ITPR2: variants seen among roughly 807,000 people sequenced by gnomAD.
ITPR2 encodes inositol 1,4,5-trisphosphate-gated calcium channel ITPR2.
ITPR2 carries 207 observed loss-of-function variants against 317.1 expected under a neutral mutation model. The ratio of observed to expected loss-of-function variants is 0.65; its 90% CI spans 0.58 to 0.73. The LOEUF (loss-of-function observed/expected upper bound fraction) is 0.73, where lower values mean the gene tolerates loss of function less well. Among genes scored for constraint, ITPR2 ranks in the 30% least tolerant of loss-of-function variants. ITPR2 has a pLI of 0.00. For missense variants in ITPR2, 2,613 were observed against 3,284.0 expected (o/e 0.80, Z 4.99); for synonymous variants, 1,156 against 1,149.1 (o/e 1.01, Z -0.12).
At chr12:26,614,603 AG>A (rs1946336010) in intron 26 of ITPR2, among the ~76,000 whole-genome samples, 1 of 152,236 alleles carries the variant, frequency 6.6e-6, no homozygotes, top group Non-Finnish European at 1.5e-5. Flanking sequence ...AAACAATACA[AG>A]GGACTATTAT....
chr12:26,344,652 ACT>A (rs151016459), intron 55 of ITPR2, among the ~76,000 whole-genome samples: 9,693 of 151,808 alleles, frequency 0.064, 430 homozygotes, highest in Non-Finnish European at 0.094. Context: ...CTTTCCCTAC[ACT>A]CTCTTTTTTC....
chr12:26,408,706 G>A (rs1384378705), intron 52 of ITPR2, among the ~76,000 whole-genome samples: 1 of 152,044 alleles, frequency 6.6e-6, no homozygotes, highest in East Asian at 1.9e-4. Flanking sequence ...CTTTGTTGCT[G>A]GTTCACTAGC....
At chr12:26,646,572 C>T (rs1947118900) in intron 21 of ITPR2, among the ~76,000 whole-genome samples, 1 of 152,148 alleles carries the variant, frequency 6.6e-6, no homozygotes, top group Non-Finnish European at 1.5e-5. Flanking sequence ...TAGATAGATT[C>T]AAAGCACATC....
intron 9 of ITPR2, among the ~76,000 whole-genome samples, chr12:26,702,409 G>T (rs1392486863): frequency 1.5e-5 from 1 of 67,052 alleles, no homozygotes; most frequent in Non-Finnish European, 2.8e-5. Flanking sequence ...GGGCGGGGGT[G>T]GGGGGTTGGT....
At chr12:26,675,586 A>G (rs1336222312) in intron 13 of ITPR2, among the ~76,000 whole-genome samples, 1 of 152,154 alleles carries the variant, frequency 6.6e-6, no homozygotes, top group Non-Finnish European at 1.5e-5. Context: ...TGGGAGATAT[A>G]CCTAATGCTA....
intron 54 of ITPR2, among the ~76,000 whole-genome samples, chr12:26,389,201 A>C (rs1323077457): frequency 6.6e-6 from 1 of 152,084 alleles, no homozygotes; most frequent in African/African-American, 2.4e-5. Flanking sequence ...TTAAAAACCT[A>C]AGAGAAATGG....
chr12:26,426,897 T>C (rs920764585), intron 49 of ITPR2, among the ~76,000 whole-genome samples: 3 of 151,116 alleles, frequency 2.0e-5, no homozygotes, highest in Admixed American at 6.6e-5. Flanking sequence ...ATTTGCTAAA[T>C]ATTAAATATT....
intron 1 of ITPR2, among the ~76,000 whole-genome samples, chr12:26,802,867 A>G (rs990862220): frequency 3.9e-5 from 6 of 152,156 alleles, no homozygotes; most frequent in Non-Finnish European, 8.8e-5. Flanking sequence ...ACACTGCTTA[A>G]TTACTGAAAG....
rs2137016402 is a variant in ITPR2, at chr12:26,556,224, T to C, written c.4964+9A>G. On this transcript the variant is annotated intron_variant, in intron 36 of 56. Transcript: ENST00000381340. ...GACACTAGCAGAATCTCAGATTGGA[T>C]CCACTTACTTCGACATGAAAGCGCC... The C allele has an allele frequency of 6.2e-7, 1 of 1,612,520 alleles. No individual in the cohort carries two copies. The highest frequency in any genetic ancestry group is 2.2e-5 in the East Asian group (1 of 44,824).
intron 1 of ITPR2, among the ~76,000 whole-genome samples, chr12:26,824,003 C>G (rs1258708232): frequency 6.6e-6 from 1 of 152,158 alleles, no homozygotes; most frequent in East Asian, 1.9e-4. Context: ...ACTACCAATA[C>G]TCTTCAACTT....
intron 39 of ITPR2, among the ~76,000 whole-genome samples, chr12:26,492,860 A>T (rs1942839224): frequency 6.6e-6 from 1 of 151,846 alleles, no homozygotes. Context: ...GAGGTGATGG[A>T]TATGCTAATT....
intron 37 of ITPR2, among the ~76,000 whole-genome samples, chr12:26,500,854 T>C (rs16930882): frequency 0.028 from 4,246 of 152,294 alleles, 145 homozygotes; most frequent in African/African-American, 0.076. Flanking sequence ...CACAACTCTG[T>C]TTGCCTTAAT....
intron 5 of ITPR2, among the ~76,000 whole-genome samples, chr12:26,721,031 T>A (rs1230123878): frequency 6.6e-6 from 1 of 152,122 alleles, no homozygotes; most frequent in Non-Finnish European, 1.5e-5. Flanking sequence ...AGTGGAGGGC[T>A]GGGGATGGGA....
intron 13 of ITPR2, among the ~76,000 whole-genome samples, chr12:26,677,123 G>A (rs16931150): frequency 0.19 from 28,240 of 152,082 alleles, 3,549 homozygotes; most frequent in East Asian, 0.55. Flanking sequence ...ATGACCTAAA[G>A]CTTCTAAATC....
chr12:26,597,343 G>C (rs1370518973), intron 30 of ITPR2, among the ~76,000 whole-genome samples: 1 of 152,150 alleles, frequency 6.6e-6, no homozygotes, highest in African/African-American at 2.4e-5. Flanking sequence ...AACCAGTTGA[G>C]GCGATGTGGA....
At chr12:26,576,746 G>A (rs1465824951) in intron 34 of ITPR2, among the ~76,000 whole-genome samples, 1 of 152,194 alleles carries the variant, frequency 6.6e-6, no homozygotes, top group Non-Finnish European at 1.5e-5. Context: ...CAAGCCAGGT[G>A]AAGGGGATCC....
rs186083309 is a variant in ITPR2 at position 26,727,701 on chromosome 12, T to A, written c.164-1936A>T. ...GGGTCATGCCCTGCACGAACAGGGG[T>A]TAAGCCTCAGACCCTGTCCTCAGAA... On this transcript the variant is annotated intron_variant, in intron 2 of 56. Transcript: ENST00000381340. Among the ~76,000 whole-genome samples the A allele has an allele frequency of 3.3e-3, 509 of 152,162 alleles. 2 individuals are homozygous for A. The highest frequency in any genetic ancestry group is 8.1e-3 in the South Asian group (39 of 4,816).
At chr12:26,425,307 A>G (rs1286295668) in intron 49 of ITPR2, among the ~76,000 whole-genome samples, 4 of 152,176 alleles carry the variant, frequency 2.6e-5, no homozygotes, top group South Asian at 2.1e-4. Context: ...AATATCTACA[A>G]TATCAAAATG....
chr12:26,743,354 A>T (rs1565732473), intron 2 of ITPR2, among the ~76,000 whole-genome samples: 1 of 152,086 alleles, frequency 6.6e-6, no homozygotes, highest in Non-Finnish European at 1.5e-5. Context: ...TTATTTATAT[A>T]TGTTTATATA....
Sources: gnomAD v4.1 joint callset for allele counts (sites outside exome capture counted in the v4.1 genomes callset) on GRCh38, gnomAD v4.1.1 for gene constraint, MANE v1.5 for transcripts, NCBI Gene and HGNC (gene_info 2026-07-23, HGNC 2026-07-21) for gene names.